Variants in DUSP11 observed in about 807,000 individuals in gnomAD.
The protein encoded by DUSP11 is dual specificity phosphatase 11, also known as RNA/RNP complex-1-interacting phosphatase.
In DUSP11, 27 loss-of-function variants were observed where a neutral mutation model predicts 41.4. That is an observed-to-expected ratio of 0.65 (90% CI 0.48 to 0.90). The LOEUF is 0.90. Among genes scored for constraint, DUSP11 ranks in the 40% least tolerant of loss-of-function variants. The pLI, the probability that DUSP11 is intolerant of heterozygous loss-of-function variation, is 0.00. For missense variants in DUSP11, 465 were observed against 461.1 expected, an observed-to-expected ratio of 1.01 and a Z score of -0.08; for synonymous variants, 188 against 159.3, an observed-to-expected ratio of 1.18 and a Z score of -1.35.
In DUSP11 at chr2:73,777,176, T is replaced by TCA. The variant is rs371413022; in HGVS notation, c.318+1123_318+1124dup. ...TTGTATTTTTTGTAGAGACACGGTT[T>TCA]CAGTGTTGCCCAGGCTGGTCTAAAA... On this transcript the variant is annotated intron_variant, in intron 2 of 8. Coordinates refer to ENST00000272444, the Ensembl canonical transcript of DUSP11. Among the ~76,000 whole-genome samples the TCA allele has an allele frequency of 4.3e-3, 653 of 152,196 alleles. 7 individuals carry two copies. The highest frequency in any genetic ancestry group is 0.015 in the African/African-American group (627 of 41,530).
rs545233553 is a variant in DUSP11, at chr2:73,773,694, C to T, written c.574+106G>A. 111 of 1,143,876 alleles carry T rather than the reference C, an allele frequency of 9.7e-5. No individual in the cohort carries two copies. In the Admixed American group the frequency reaches 1.0e-3, roughly 11 times the overall value. 70.9% of individuals were successfully genotyped at this position (1,143,876 alleles called of 1,614,324 possible). A position where few individuals can be genotyped will look rare whatever the true frequency, so the allele number is the denominator to read the frequency against. ...CCATCTGACATTTTCATCACCTTAG[C>T]ATCATTAAATACAACAGGTCTGAGG... On this transcript the variant is annotated intron_variant, in intron 4 of 8. Coordinates refer to ENST00000272444, the Ensembl canonical transcript of DUSP11.
At chr2:73,766,564 A>G in exon 8 of DUSP11, 1 of 1,613,244 alleles carries the variant, frequency 6.2e-7, no homozygotes, top group Non-Finnish European at 8.5e-7. Flanking sequence ...CTTCAAAATC[A>G]CTTGACCTGG....
chr2:73,769,144 A>G, intron 5 of DUSP11, 121 bp downstream of exon 5: 1 of 741,176 alleles, frequency 1.3e-6, no homozygotes, highest in Non-Finnish European at 2.3e-6. Flanking sequence ...CTGGGTGGGG[A>G]GCAAGACTGC....
intron 8 of DUSP11, among the ~76,000 whole-genome samples, chr2:73,765,444 C>T (rs1672442568): frequency 6.6e-6 from 1 of 152,186 alleles, no homozygotes; most frequent in African/African-American, 2.4e-5. Context: ...CTGAATGCTA[C>T]CAGCTTCCCT....
In DUSP11 at chr2:73,768,463, G is replaced by A. The variant is rs149144881; in HGVS notation, c.635+802C>T. The A allele has an allele frequency of 2.8e-5, 28 of 985,200 alleles. No individual in the cohort carries two copies. The East Asian group carries it at 3.1e-3, about 108-fold the overall frequency. 61.0% of individuals were successfully genotyped at this position (985,200 alleles called of 1,614,324 possible). On this transcript the variant is annotated intron_variant, in intron 5 of 8. Transcript: ENST00000272444. ...GAACAAACATAACTCAGTACAGTGT[G>A]GCAACATCCATAAAAAGCATAACGA...
intron 2 of DUSP11, among the ~76,000 whole-genome samples, chr2:73,777,490 T>C (rs778643577): frequency 3.3e-5 from 5 of 152,246 alleles, no homozygotes; most frequent in Non-Finnish European, 4.4e-5. Flanking sequence ...ATCTTTTTTA[T>C]GGCTGTCAAA....
At chr2:73,772,686 G>A (rs1157840541) in intron 4 of DUSP11, among the ~76,000 whole-genome samples, 2 of 152,162 alleles carry the variant, frequency 1.3e-5, no homozygotes, top group Non-Finnish European at 1.5e-5. Flanking sequence ...TTATACAAAT[G>A]GGAAAGCCAA....
chr2:73,769,184 C>T (rs1011663383), intron 5 of DUSP11, 81 bp downstream of exon 5: 10 of 1,222,258 alleles, frequency 8.2e-6, no homozygotes, highest in Non-Finnish European at 1.2e-5. Flanking sequence ...TATACCAGTT[C>T]CATTTTTTAC....
At chr2:73,775,720 T>C (rs1672667290) in intron 2 of DUSP11, among the ~76,000 whole-genome samples, 1 of 149,174 alleles carries the variant, frequency 6.7e-6, no homozygotes, top group Non-Finnish European at 1.5e-5. Flanking sequence ...CCAGGGGTGG[T>C]GGCAGGCGCC....
At chr2:73,770,659 T>C (rs953776610) in intron 4 of DUSP11, among the ~76,000 whole-genome samples, 1 of 152,176 alleles carries the variant, frequency 6.6e-6, no homozygotes, top group African/African-American at 2.4e-5. Flanking sequence ...GGCTGGGTTG[T>C]TTTTGCTTAA....
At position 73,762,819 on chromosome 2, in the gene DUSP11, G is replaced by A. The variant is rs1201096740; in HGVS notation, c.976C>T (p.Leu326Phe). 9.3e-6 allele frequency: 15 copies of A among 1,609,024 alleles called. No homozygotes were observed. The highest frequency in any genetic ancestry group is 1.2e-5 in the Non-Finnish European group (14 of 1,177,668). Reference sequence around the variant, plus strand: ...TCTCCAGGGGGACCAGGAGGAGGGAGATGGTGTCTCTGGTAAACATGTGGA... The same window carrying A: ...TCTCCAGGGGGACCAGGAGGAGGGAAATGGTGTCTCTGGTAAACATGTGGA... Residue 326 changes from leucine to phenylalanine, a missense_variant, in exon 9 of 9, where the codon CTC becomes TTC. By Grantham distance (22) the Leu-to-Phe change is conservative. Transcript: ENST00000272444.
At chr2:73,772,050 G>A (rs898062785) in intron 4 of DUSP11, among the ~76,000 whole-genome samples, 20 of 151,274 alleles carry the variant, frequency 1.3e-4, no homozygotes, top group Non-Finnish European at 2.5e-4. Flanking sequence ...TCGATCTCCT[G>A]ACCTCGTGAT....
intron 8 of DUSP11, among the ~76,000 whole-genome samples, chr2:73,763,682 C>T (rs1672404705): frequency 6.6e-6 from 1 of 151,930 alleles, no homozygotes; most frequent in Admixed American, 6.6e-5. Context: ...GAGATCACAC[C>T]ATTACACTCC....
intron 7 of DUSP11, 48 bp from the exon 8 acceptor site, chr2:73,766,642 T>C (rs768942569): frequency 3.2e-6 from 5 of 1,538,940 alleles, no homozygotes; most frequent in South Asian, 1.2e-5. Context: ...CCAAATTTAG[T>C]AGTCAATTTA....
chr2:73,773,438 G>A (rs187496305), intron 4 of DUSP11: 2 of 358,482 alleles, frequency 5.6e-6, no homozygotes, highest in Non-Finnish European at 1.1e-5. Flanking sequence ...GCCCTTTCTT[G>A]TCTCTTTCAC....
Position 73,775,475 on chromosome 2 carries a change from C to G in DUSP11, c.319-431G>C, listed in dbSNP as rs1672662104. On this transcript the variant is annotated intron_variant, in intron 2 of 8. Transcript: ENST00000272444. ...CTCACTGCAGCCTCCACCTCCTGGG[C>G]TCAAGCAATACTCCCACCTCAACCT... is the stretch of plus-strand genomic sequence containing the variant. Among the ~76,000 whole-genome samples, 3 of 149,188 alleles carry G rather than the reference C, an allele frequency of 2.0e-5. No individual in the cohort carries two copies. The South Asian group carries it at 6.4e-4, about 32-fold the overall frequency.
At chr2:73,771,563 G>T (rs1376902667) in intron 4 of DUSP11, among the ~76,000 whole-genome samples, 1 of 142,428 alleles carries the variant, frequency 7.0e-6, no homozygotes, top group African/African-American at 2.6e-5. Context: ...GCGCAATCTC[G>T]GCTCACTGCA....
chr2:73,775,586 T>C (rs1573184433), intron 2 of DUSP11, among the ~76,000 whole-genome samples: 1 of 147,540 alleles, frequency 6.8e-6, no homozygotes, highest in East Asian at 2.1e-4. Context: ...CTGGGCGCAG[T>C]GGTTCACACC....
rs755918819 is a variant in DUSP11, at chr2:73,774,938, T to C, written c.425A>G (p.Tyr142Cys). The C allele has an allele frequency of 5.0e-6, 8 of 1,608,628 alleles. No homozygotes were observed. In the South Asian group the frequency reaches 8.9e-5, roughly 18 times the overall value. ...CTCTGGTTTATAATAGCGTTGAGTA[T>C]ATGTTAAATCAATAATCAGTCCAAG... The change falls in exon 3 of 9, where the codon TAT (tyrosine) becomes TGT (cysteine). Residue 142 changes from tyrosine to cysteine, a missense_variant. Physicochemically the swap from Tyr to Cys is radical, Grantham distance 194. Coordinates refer to ENST00000272444, the Ensembl canonical transcript of DUSP11.
Sources: gnomAD v4.1 joint callset for allele counts (sites outside exome capture counted in the v4.1 genomes callset) on GRCh38, gnomAD v4.1.1 for gene constraint, MANE v1.5 for transcripts, NCBI Gene and HGNC (gene_info 2026-07-23, HGNC 2026-07-21) for gene names.